FNIP1: variants seen among roughly 807,000 people sequenced by gnomAD.
FNIP1 encodes folliculin interacting protein 1.
In FNIP1, 40 loss-of-function variants were observed where a neutral mutation model predicts 124.5. The ratio of observed to expected loss-of-function variants is 0.32; its 90% confidence interval spans 0.25 to 0.42. FNIP1 has a LOEUF of 0.42. FNIP1 is among the 10% of genes least tolerant of loss of function. The pLI, the probability that FNIP1 is intolerant of heterozygous loss-of-function variation, is 1.00. For synonymous variants in FNIP1, 472 were observed against 470.6 expected (o/e 1.00, Z -0.04); for missense variants, 1,176 against 1,403.7 (o/e 0.84, Z 2.59).
At chr5:131,723,355 A>G (rs1769740148) in intron 3 of FNIP1, among the ~76,000 whole-genome samples, 1 of 152,198 alleles carries the variant, frequency 6.6e-6, no homozygotes, top group Non-Finnish European at 1.5e-5. Context: ...ATTTATTTAT[A>G]GATTTTACTA....
At chr5:131,708,100 G>C (rs1561666544) in intron 8 of FNIP1, among the ~76,000 whole-genome samples, 1 of 152,140 alleles carries the variant, frequency 6.6e-6, no homozygotes, top group African/African-American at 2.4e-5. Context: ...CTATCCATTA[G>C]AATCAAGTGT....
chr5:131,789,550 C>T (rs1436211021), intron 1 of FNIP1, among the ~76,000 whole-genome samples: 4 of 152,128 alleles, frequency 2.6e-5, no homozygotes, highest in African/African-American at 9.7e-5. Context: ...CTCACATTTA[C>T]TCCACATCTA....
intron 2 of FNIP1, among the ~76,000 whole-genome samples, chr5:131,731,834 T>C (rs890347638): frequency 2.0e-5 from 3 of 151,426 alleles, no homozygotes; most frequent in African/African-American, 7.4e-5. Context: ...CCCAAGTTAA[T>C]GTAAGTAACA....
intron 1 of FNIP1, among the ~76,000 whole-genome samples, chr5:131,758,367 T>C (rs1771117921): frequency 6.6e-6 from 1 of 152,154 alleles, no homozygotes; most frequent in Admixed American, 6.5e-5. Flanking sequence ...ACTCAAGTGT[T>C]TAGAATGATC....
At chr5:131,746,624 G>A (rs918850137) in intron 1 of FNIP1, among the ~76,000 whole-genome samples, 1 of 152,106 alleles carries the variant, frequency 6.6e-6, no homozygotes, top group African/African-American at 2.4e-5. Context: ...TTTTATGGCT[G>A]AGTAGTATTC....
intron 3 of FNIP1, among the ~76,000 whole-genome samples, chr5:131,729,351 G>A: frequency 6.6e-6 from 1 of 152,160 alleles, no homozygotes; most frequent in East Asian, 1.9e-4. Flanking sequence ...CCCTGACTGG[G>A]GCTGCTGCCT....
intron 2 of FNIP1, among the ~76,000 whole-genome samples, chr5:131,742,160 T>C (rs1770532727): frequency 6.6e-6 from 1 of 152,226 alleles, no homozygotes; most frequent in South Asian, 2.1e-4. Context: ...AAGAATGTTT[T>C]CAATAAAAGT....
intron 2 of FNIP1, among the ~76,000 whole-genome samples, chr5:131,741,741 AG>A (rs1283884302): frequency 4.6e-5 from 7 of 152,222 alleles, no homozygotes; most frequent in Non-Finnish European, 1.0e-4. Flanking sequence ...AAAGGACTCC[AG>A]TAAGTATTTT....
intron 5 of FNIP1, among the ~76,000 whole-genome samples, chr5:131,718,101 A>G (rs1399924733): frequency 5.9e-5 from 9 of 151,390 alleles, no homozygotes; most frequent in Admixed American, 5.3e-4. Flanking sequence ...CTGAGTCAGG[A>G]GAATCGCTTG....
intron 1 of FNIP1, among the ~76,000 whole-genome samples, chr5:131,782,153 T>C (rs1243621163): frequency 6.6e-6 from 1 of 151,654 alleles, no homozygotes; most frequent in Non-Finnish European, 1.5e-5. Flanking sequence ...CTCTGTCTCT[T>C]AAAAAAAGAA....
At chr5:131,646,965 T>G in intron 17 of FNIP1, 125 bp downstream of exon 17, 1 of 772,666 alleles carries the variant, frequency 1.3e-6, no homozygotes, top group Non-Finnish European at 2.2e-6. Flanking sequence ...GCAACCTAAA[T>G]GATAACAGCC....
chr5:131,676,946 C>G (rs1194753301), intron 13 of FNIP1, among the ~76,000 whole-genome samples: 2 of 152,116 alleles, frequency 1.3e-5, no homozygotes, highest in Non-Finnish European at 2.9e-5. Flanking sequence ...AAGTTACTAC[C>G]CAGTCACCAA....
At chr5:131,667,450 C>G (rs1430557088) in intron 15 of FNIP1, among the ~76,000 whole-genome samples, 1 of 152,186 alleles carries the variant, frequency 6.6e-6, no homozygotes, top group Non-Finnish European at 1.5e-5. Flanking sequence ...CCAAACTTTA[C>G]AACTTAGGTA....
intron 1 of FNIP1, among the ~76,000 whole-genome samples, chr5:131,794,862 TGAG>T (rs1201485552): frequency 4.6e-5 from 7 of 151,886 alleles, no homozygotes; most frequent in Non-Finnish European, 1.0e-4. Context: ...CTGCCACGGG[TGAG>T]GAGGAGTTAG....
chr5:131,781,197 T>G (rs771599579), intron 1 of FNIP1, among the ~76,000 whole-genome samples: 2 of 152,196 alleles, frequency 1.3e-5, no homozygotes, highest in Non-Finnish European at 2.9e-5. Flanking sequence ...GTGAGAAGTT[T>G]GAAAGTAGTA....
intron 1 of FNIP1, among the ~76,000 whole-genome samples, chr5:131,766,686 A>T (rs1771436957): frequency 6.6e-6 from 1 of 152,218 alleles, no homozygotes; most frequent in African/African-American, 2.4e-5. Flanking sequence ...GGCTCAGTCC[A>T]AATCCAAATA....
At position 131,764,100 on chromosome 5, in the gene FNIP1, C is replaced by T. The variant is rs370105977; in HGVS notation, c.93-19410G>A. Among the ~76,000 whole-genome samples, 75 of 151,724 alleles carry T rather than the reference C, an allele frequency of 4.9e-4. 1 individual carries two copies. In the East Asian group the frequency reaches 0.014, roughly 28 times the overall value. ...TACGCCCCCTTGCCTTTTTTTTGCT[C>T]CTGCTCTAGCCATGTGAAGTGCCTG... On this transcript the variant is annotated intron_variant, in intron 1 of 17. Transcript: ENST00000510461.
intron 15 of FNIP1, among the ~76,000 whole-genome samples, chr5:131,656,829 G>C (rs1317914142): frequency 6.6e-6 from 1 of 151,798 alleles, no homozygotes. Context: ...AGGCAGGAAG[G>C]GATAAGCTAA....
chr5:131,750,616 C>CT (rs537818966), intron 1 of FNIP1, among the ~76,000 whole-genome samples: 3,428 of 137,946 alleles, frequency 0.025, 94 homozygotes, highest in African/African-American at 0.072. Context: ...TCCCTTCTTT[C>CT]TTTTTTTTTT....
Sources: gnomAD v4.1 joint callset for allele counts (sites outside exome capture counted in the v4.1 genomes callset) on GRCh38, gnomAD v4.1.1 for gene constraint, MANE v1.5 for transcripts, NCBI Gene and HGNC (gene_info 2026-07-23, HGNC 2026-07-21) for gene names.